Variants in SYT17 observed in about 807,000 individuals in gnomAD.
The protein encoded by SYT17 is synaptotagmin 17.
In SYT17, 22 loss-of-function variants were observed where a neutral mutation model predicts 46.7. The ratio of observed to expected loss-of-function variants is 0.47; its 90% CI spans 0.34 to 0.67. The LOEUF is 0.67. Among genes scored for constraint, SYT17 ranks in the 30% least tolerant of loss-of-function variants. SYT17 has a pLI of 0.01. For missense variants in SYT17, 519 were observed against 612.8 expected (o/e 0.85, Z 1.62); for synonymous variants, 251 against 248.4 (o/e 1.01, Z -0.10).
At chr16:19,224,444 A>G (rs555542891) in intron 6 of SYT17, among the ~76,000 whole-genome samples, 8 of 152,282 alleles carry the variant, frequency 5.3e-5, no homozygotes, top group Middle Eastern at 3.4e-3. Context: ...GAAAATGGAT[A>G]GATAAAAGTA....
Position 19,172,796 on chromosome 16 carries a change from T to C in SYT17, c.33+19T>C. 2 of 1,614,062 alleles carry C rather than the reference T, an allele frequency of 1.2e-6. No individual in the cohort carries two copies. The highest frequency in any genetic ancestry group is 8.5e-7 in the Non-Finnish European group (1 of 1,179,998). ...AAACGAGGTGGGTTCATTTGATGATTTGTTTGGTCTGGTTTCTAATCAAGA... is the reference window on the plus strand; with the variant it reads ...AAACGAGGTGGGTTCATTTGATGATCTGTTTGGTCTGGTTTCTAATCAAGA... On this transcript the variant is annotated intron_variant, in intron 2 of 7. Coordinates refer to ENST00000355377, the MANE Select transcript of SYT17 (RefSeq NM_016524.4).
chr16:19,226,563 C>T (rs1966503833), intron 7 of SYT17, among the ~76,000 whole-genome samples: 2 of 152,196 alleles, frequency 1.3e-5, no homozygotes, highest in South Asian at 4.1e-4. Context: ...GGATGCCTGC[C>T]ATATGCAGAT....
chr16:19,177,987 G>A (rs1964382838), intron 3 of SYT17, among the ~76,000 whole-genome samples: 1 of 152,140 alleles, frequency 6.6e-6, no homozygotes, highest in Admixed American at 6.5e-5. Flanking sequence ...CCTTTTAACA[G>A]TGGTGCAAAT....
chr16:19,224,952 C>G, intron 7 of SYT17, 114 bp downstream of exon 7: 1 of 1,228,300 alleles, frequency 8.1e-7, no homozygotes, highest in Admixed American at 2.1e-5. Context: ...GTCTGGCATT[C>G]AACTACCTGG....
At chr16:19,181,052 G>A (rs1210106216) in intron 4 of SYT17, among the ~76,000 whole-genome samples, 1 of 152,192 alleles carries the variant, frequency 6.6e-6, no homozygotes, top group African/African-American at 2.4e-5. Flanking sequence ...TTGAAAGGGG[G>A]CCAGGGTGTC....
intron 5 of SYT17, among the ~76,000 whole-genome samples, chr16:19,212,050 G>A (rs1328578046): frequency 6.6e-6 from 1 of 152,182 alleles, no homozygotes; most frequent in African/African-American, 2.4e-5. Flanking sequence ...AATTATTTTA[G>A]AGACCATTAG....
intron 5 of SYT17, among the ~76,000 whole-genome samples, chr16:19,188,513 C>CAAAAAAAAAAAAAAAAAAAA (rs61202540): frequency 1.4e-4 from 9 of 64,580 alleles, no homozygotes; most frequent in African/African-American, 4.0e-4. Context: ...TTCAGTTCTG[C>CAAAAAAAAAAAAAAAAAAAA]AAAAAAAAAA....
intron 5 of SYT17, among the ~76,000 whole-genome samples, chr16:19,197,718 G>A (rs1014191632): frequency 6.6e-6 from 1 of 152,138 alleles, no homozygotes; most frequent in African/African-American, 2.4e-5. Context: ...GAACCACCGT[G>A]ACCTGCCTCA....
rs548230496 is a variant in SYT17, at chr16:19,233,593, C to T, written c.1228+8755C>T. ...ATCACTTGAGTCCAGGAGGTCAAGGCTGCAGTGAGCTAGGATCATGCCACT... is the reference window on the plus strand; with the variant it reads ...ATCACTTGAGTCCAGGAGGTCAAGGTTGCAGTGAGCTAGGATCATGCCACT... On this transcript the variant is annotated intron_variant, in intron 7 of 7. Coordinates refer to ENST00000355377, the MANE Select transcript of SYT17 (RefSeq NM_016524.4). 1.8e-3 allele frequency among the ~76,000 whole-genome samples: 269 copies of T among 152,094 alleles called. 1 individual carries two copies. The highest frequency in any genetic ancestry group is 5.8e-3 in the African/African-American group (241 of 41,492).
At position 19,252,450 on chromosome 16, in the gene SYT17, CATATAT is replaced by C. The variant is rs1338256562; in HGVS notation, c.1229-14428_1229-14423del. On this transcript the variant is annotated intron_variant, in intron 7 of 7. Transcript: ENST00000355377. Reference sequence around the variant, plus strand: ...ATACATATATATACATATATATACACATATATACATATATATATACATATATATATA... The same window carrying C: ...ATACATATATATACATATATATACACACATATATATATACATATATATATA... 6.9e-4 allele frequency among the ~76,000 whole-genome samples: 16 copies of C among 23,102 alleles called. 6 individuals carry two copies. The highest frequency in any genetic ancestry group is 3.1e-3 in the Admixed American group (4 of 1,284). 15.2% of individuals were successfully genotyped at this position (23,102 alleles called of 152,430 possible).
At chr16:19,176,512 ATT>A (rs1310680657) in intron 3 of SYT17, among the ~76,000 whole-genome samples, 5 of 152,182 alleles carry the variant, frequency 3.3e-5, no homozygotes, top group African/African-American at 1.2e-4. Context: ...TATTTCTACC[ATT>A]GTTATGCAGA....
chr16:19,268,014 G>T lies in SYT17; in HGVS notation c.*938G>T, dbSNP rs949058347. 6.6e-6 allele frequency: 1 copy of T among 151,616 alleles called. No homozygotes were observed. Among genetic ancestry groups the T allele is most frequent in the African/African-American group, 2.4e-5 (1 of 41,280 alleles). The allele number at this position is 151,616 out of a possible 1,614,324, so 9.4% of individuals were successfully genotyped here. ...TGATAGAGCAAAAGTAACATTTTTTGACCGAATCATGGTGATTGTGACCCA... is the reference window on the plus strand; with the variant it reads ...TGATAGAGCAAAAGTAACATTTTTTTACCGAATCATGGTGATTGTGACCCA... On this transcript the variant is annotated 3_prime_UTR_variant, in exon 8 of 8. Transcript: ENST00000355377.
rs1451488657 is a variant in SYT17, at chr16:19,183,779, G to C, written c.583G>C (p.Asp195His). ...LGMLHFSTQY[D>H]LLHNHLTVRV... ...CATGCTGCACTTCAGCACTCAGTAC[G>C]ACCTGCTGCACAACCACCTCACCGT... Residue 195 changes from aspartate to histidine, a missense_variant, in exon 5 of 8, where the codon GAC (aspartate) becomes CAC (histidine). Physicochemically the swap from Asp to His is moderately conservative, Grantham distance 81. Coordinates refer to ENST00000355377, the MANE Select transcript of SYT17 (RefSeq NM_016524.4). The surrounding 1 kb of genome is among the most constrained non-coding windows in gnomAD (Gnocchi z 5.6). 2 of 1,614,044 alleles carry C rather than the reference G, an allele frequency of 1.2e-6. No homozygotes were observed. The highest frequency in any genetic ancestry group is 1.7e-6 in the Non-Finnish European group (2 of 1,180,052).
chr16:19,173,322 G>T, intron 2 of SYT17, 108 bp from the exon 3 acceptor site: 1 of 702,746 alleles, frequency 1.4e-6, no homozygotes, highest in South Asian at 1.9e-5. Flanking sequence ...TTTCTCATCC[G>T]AGATCGGCTG....
At chr16:19,250,199 T>G in intron 7 of SYT17, 3 of 993,398 alleles carry the variant, frequency 3.0e-6, no homozygotes, top group Non-Finnish European at 4.2e-6. Flanking sequence ...CATCAGATTC[T>G]GTAATGAACA....
intron 6 of SYT17, 115 bp from the exon 7 acceptor site, chr16:19,224,568 G>A: frequency 1.7e-6 from 2 of 1,150,840 alleles, no homozygotes. Context: ...TGGGTGGATG[G>A]ATAGAAGAAT....
chr16:19,224,908 G>A (rs938032473), intron 7 of SYT17, 70 bp downstream of exon 7: 2 of 1,548,170 alleles, frequency 1.3e-6, no homozygotes, highest in African/African-American at 2.7e-5. Context: ...AGAGCCAGAA[G>A]GCATCTAGAG....
chr16:19,248,395 A>T (rs1189674855), intron 7 of SYT17, among the ~76,000 whole-genome samples: 1 of 152,204 alleles, frequency 6.6e-6, no homozygotes, highest in African/African-American at 2.4e-5. Context: ...AAACAAAAAC[A>T]TATGTCTACA....
At chr16:19,235,044 G>A (rs1966831183) in intron 7 of SYT17, among the ~76,000 whole-genome samples, 1 of 152,206 alleles carries the variant, frequency 6.6e-6, no homozygotes, top group Non-Finnish European at 1.5e-5. Context: ...AGTATGGGGA[G>A]ATAGGTCAGA....
Sources: gnomAD v4.1 joint callset for allele counts (sites outside exome capture counted in the v4.1 genomes callset) on GRCh38, gnomAD v4.1.1 for gene constraint, Gnocchi (gnomAD v3.1) non-coding constraint, MANE v1.5 for transcripts, NCBI Gene and HGNC (gene_info 2026-07-23, HGNC 2026-07-21) for gene names.